Variants in MS4A5 observed in about 807,000 individuals in gnomAD.
The protein encoded by MS4A5 is membrane spanning 4-domains A5, also known as membrane-spanning 4-domains subfamily A member 5.
In MS4A5, 15 loss-of-function variants were observed where a neutral mutation model predicts 18.2. The ratio of observed to expected loss-of-function variants is 0.83; its 90% CI spans 0.55 to 1.27. The LOEUF (loss-of-function observed/expected upper bound fraction) is 1.27, where lower values mean the gene tolerates loss of function less well. MS4A5 is among the 50% of genes most tolerant of loss of function. The probability of loss-of-function intolerance (pLI) is 0.00; values close to 1 mark genes in which losing one functional copy is unlikely to be tolerated. For missense variants in MS4A5, 232 were observed against 225.7 expected, an observed-to-expected ratio of 1.03 and a Z score of -0.18; for synonymous variants, 89 against 78.7, an observed-to-expected ratio of 1.13 and a Z score of -0.69.
At chr11:60,438,327 A>G (rs2086092078) in intron 4 of MS4A5, among the ~76,000 whole-genome samples, 1 of 152,238 alleles carries the variant, frequency 6.6e-6, no homozygotes, top group South Asian at 2.1e-4. Flanking sequence ...AGCAGGAAAG[A>G]TCCAAAATTG....
At chr11:60,445,781 A>G (rs2086135470) in intron 4 of MS4A5, among the ~76,000 whole-genome samples, 1 of 152,224 alleles carries the variant, frequency 6.6e-6, no homozygotes, top group Non-Finnish European at 1.5e-5. Flanking sequence ...CAATTCACTA[A>G]TAGTCAGGGA....
chr11:60,441,306 A>T (rs1338722497), intron 4 of MS4A5, among the ~76,000 whole-genome samples: 4 of 85,150 alleles, frequency 4.7e-5, no homozygotes, highest in Non-Finnish European at 1.1e-4. Flanking sequence ...GAGGGATAGC[A>T]TCGGGAGATA....
At chr11:60,437,358 C>A (rs2086086062) in intron 4 of MS4A5, among the ~76,000 whole-genome samples, 1 of 148,456 alleles carries the variant, frequency 6.7e-6, no homozygotes, top group Non-Finnish European at 1.5e-5. Flanking sequence ...GAAGAAACTG[C>A]ATCAACTAAC....
chr11:60,445,033 A>G (rs984177391), intron 4 of MS4A5, among the ~76,000 whole-genome samples: 6 of 152,180 alleles, frequency 3.9e-5, no homozygotes, highest in Non-Finnish European at 7.3e-5. Context: ...TAAAAGAACA[A>G]CCTACTGACA....
intron 4 of MS4A5, among the ~76,000 whole-genome samples, chr11:60,441,667 G>A (rs796752385): frequency 2.8e-5 from 4 of 142,342 alleles, no homozygotes; most frequent in African/African-American, 5.1e-5. Context: ...AAATACCTCA[G>A]GGAATATAAA....
intron 4 of MS4A5, among the ~76,000 whole-genome samples, chr11:60,434,234 A>G (rs2086066714): frequency 6.6e-6 from 1 of 152,194 alleles, no homozygotes; most frequent in Non-Finnish European, 1.5e-5. Context: ...CTATATGTAC[A>G]TTAGAATCAC....
intron 4 of MS4A5, among the ~76,000 whole-genome samples, chr11:60,441,647 A>G (rs2086113357): frequency 6.6e-6 from 1 of 150,768 alleles, no homozygotes; most frequent in Non-Finnish European, 1.5e-5. Context: ...GAAAGAAATG[A>G]TAAACTTTAA....
At chr11:60,435,569 TG>T (rs1412972568) in intron 4 of MS4A5, 1 of 335,382 alleles carries the variant, frequency 3.0e-6, no homozygotes, top group South Asian at 2.3e-5. Context: ...GGTCAGTGGG[TG>T]CGTGCACCCT....
At chr11:60,444,941 T>C (rs1053903900) in intron 4 of MS4A5, among the ~76,000 whole-genome samples, 5 of 152,238 alleles carry the variant, frequency 3.3e-5, no homozygotes, top group Admixed American at 2.0e-4. Flanking sequence ...CTATTCATTA[T>C]AGTTAAACTG....
chr11:60,447,134 GCTATGCTATGCTATGCTATC>G (rs1307709010), intron 4 of MS4A5, among the ~76,000 whole-genome samples: 2 of 119,086 alleles, frequency 1.7e-5, no homozygotes, highest in Non-Finnish European at 2.0e-5. Context: ...CCTATGCTAT[GCTATGCTATGCTATGCTATC>G]CTATGCTATC....
intron 4 of MS4A5, among the ~76,000 whole-genome samples, chr11:60,441,408 C>A (rs1193584781): frequency 4.5e-5 from 5 of 110,984 alleles, no homozygotes; most frequent in South Asian, 3.0e-4. Flanking sequence ...TGCACATGTA[C>A]CCTAAAACTT....
intron 4 of MS4A5, among the ~76,000 whole-genome samples, chr11:60,439,614 ATTC>A (rs2086099533): frequency 4.2e-5 from 1 of 23,666 alleles, no homozygotes; most frequent in Non-Finnish European, 9.0e-5. Flanking sequence ...AATCACAAGC[ATTC>A]TTATACACCA....
At chr11:60,434,705 G>C (rs972603770) in intron 4 of MS4A5, among the ~76,000 whole-genome samples, 1 of 152,162 alleles carries the variant, frequency 6.6e-6, no homozygotes, top group African/African-American at 2.4e-5. Flanking sequence ...GGAACTACTA[G>C]ATCAATTTTT....
intron 4 of MS4A5, among the ~76,000 whole-genome samples, chr11:60,437,404 T>G (rs539479632): frequency 1.3e-5 from 2 of 148,654 alleles, no homozygotes; most frequent in Non-Finnish European, 3.0e-5. Flanking sequence ...AATGACAGGA[T>G]CAAATTCACA....
intron 4 of MS4A5, among the ~76,000 whole-genome samples, chr11:60,442,713 A>C (rs1017301958): frequency 6.6e-6 from 1 of 152,246 alleles, no homozygotes; most frequent in African/African-American, 2.4e-5. Flanking sequence ...GCTGTACAAC[A>C]GATCTCTTGA....
At chr11:60,429,950 T>C (rs965914102) in intron 1 of MS4A5, 123 bp downstream of exon 1, 17 of 957,136 alleles carry the variant, frequency 1.8e-5, no homozygotes, top group Non-Finnish European at 2.6e-5. Flanking sequence ...AATGTGAATA[T>C]AGAGTGTTGG....
intron 4 of MS4A5, among the ~76,000 whole-genome samples, chr11:60,440,224 T>C (rs1202980173): frequency 1.0e-5 from 1 of 98,764 alleles, no homozygotes; most frequent in Non-Finnish European, 2.2e-5. Flanking sequence ...GCTAGCCATA[T>C]GTAGAAAGCT....
intron 4 of MS4A5, chr11:60,435,277 AAAAG>A (rs1390416094): frequency 4.9e-6 from 2 of 404,982 alleles, no homozygotes; most frequent in Non-Finnish European, 9.5e-6. Context: ...AAGAGGCCTA[AAAAG>A]AAATAAGACA....
At chr11:60,431,285 T>C (rs2086047254) in intron 2 of MS4A5, among the ~76,000 whole-genome samples, 1 of 152,226 alleles carries the variant, frequency 6.6e-6, no homozygotes, top group African/African-American at 2.4e-5. Context: ...CAAGTCAGTG[T>C]GATAAATGTT....
Sources: allele counts gnomAD v4.1 joint callset (sites outside exome capture counted in the v4.1 genomes callset), GRCh38; gene constraint gnomAD v4.1.1; transcripts MANE v1.5; gene names NCBI Gene and HGNC (gene_info 2026-07-23, HGNC 2026-07-21).